The following SGCD variants were observed in gnomAD, a reference collection of about 807,000 sequenced individuals.
SGCD encodes delta-sarcoglycan.
Under a neutral mutation model 36.6 loss-of-function variants are expected in SGCD, and 18 were observed. That is an observed-to-expected ratio of 0.49 (90% CI 0.34 to 0.73). The LOEUF is 0.73. Ranked by LOEUF, SGCD falls within the 30% of genes least tolerant of loss-of-function variation. SGCD has a pLI of 0.01. For synonymous variants in SGCD, 133 were observed against 130.6 expected, an observed-to-expected ratio of 1.02 and a Z score of -0.12; for missense variants, 387 against 346.7, an observed-to-expected ratio of 1.12 and a Z score of -0.92.
rs150929203 is a variant in SGCD, at chr5:156,698,840, TACACACACACAC to T, written c.575+51334_575+51345del. On this transcript the variant is annotated intron_variant, in intron 7 of 8. Transcript: ENST00000337851. Reference sequence around the variant, plus strand: ...TTATATTTTGAAAACTAAATTAAAATACACACACACACACACACACACACACACACACACACA... The same window carrying T: ...TTATATTTTGAAAACTAAATTAAAATACACACACACACACACACACACACA... Among the ~76,000 whole-genome samples, 534 of 140,088 alleles carry T rather than the reference TACACACACACAC, an allele frequency of 3.8e-3. 1 individual carries two copies. The highest frequency in any genetic ancestry group is 5.0e-3 in the Non-Finnish European group (323 of 64,116). 91.9% of individuals were successfully genotyped at this position (140,088 alleles called of 152,430 possible). A position where few individuals can be genotyped will look rare whatever the true frequency, so the allele number is the denominator to read the frequency against.
rs563849207 is a variant in SGCD at position 155,936,292 on chromosome 5, A to T, written c.-282+65868A>T. Among the ~76,000 whole-genome samples, 11 of 152,254 alleles carry T rather than the reference A, an allele frequency of 7.2e-5. No homozygotes were observed. The East Asian group carries it at 1.9e-3, about 27-fold the overall frequency. ...CACCCAGGAAGAATGAGGTATGTGG[A>T]CAAGTGGAGGGTGAGCAAGGCGGAG... On this transcript the variant is annotated intron_variant, in intron 1 of 9. Coordinates refer to the SGCD transcript ENST00000517913.
intron 7 of SGCD, among the ~76,000 whole-genome samples, chr5:156,678,196 A>G (rs771049591): frequency 2.0e-5 from 3 of 152,226 alleles, no homozygotes; most frequent in Non-Finnish European, 4.4e-5. Context: ...TTCTAACAGC[A>G]CAGATCCTGT....
chr5:156,648,898 G>C (rs1561836898), intron 7 of SGCD, among the ~76,000 whole-genome samples: 1 of 152,120 alleles, frequency 6.6e-6, no homozygotes, highest in South Asian at 2.1e-4. Context: ...GAGGTCTTTT[G>C]AGACAAGCTA....
intron 1 of SGCD, among the ~76,000 whole-genome samples, chr5:156,075,825 G>A (rs1165691849): frequency 6.6e-6 from 1 of 152,164 alleles, no homozygotes; most frequent in Non-Finnish European, 1.5e-5. Flanking sequence ...ACATTGAAGA[G>A]TCCATTGGAT....
intron 4 of SGCD, among the ~76,000 whole-genome samples, chr5:156,584,033 C>A (rs1431934078): frequency 6.6e-6 from 1 of 152,038 alleles, no homozygotes; most frequent in Non-Finnish European, 1.5e-5. Flanking sequence ...TGTGAAATCC[C>A]AAGACGCAAT....
chr5:156,049,433 C>G (rs4434366), intron 1 of SGCD, among the ~76,000 whole-genome samples: 10,754 of 145,178 alleles, frequency 0.074, 1,726 homozygotes, highest in African/African-American at 0.24. Context: ...CCATTTTCAC[C>G]ATATTGATTC....
At chr5:156,185,404 C>T (rs1261812199) in intron 3 of SGCD, among the ~76,000 whole-genome samples, 14 of 151,680 alleles carry the variant, frequency 9.2e-5, no homozygotes, top group East Asian at 3.9e-4. Context: ...TTAGCAGAGA[C>T]GGGGTTTCAC....
chr5:155,774,159 G>T, the SGCD span, among the ~76,000 whole-genome samples: 2 of 152,216 alleles, frequency 1.3e-5, no homozygotes, highest in Non-Finnish European at 2.9e-5. Flanking sequence ...ATTTTAACTT[G>T]GCTCAAAATC....
intron 4 of SGCD, among the ~76,000 whole-genome samples, chr5:156,518,672 A>G (rs1174652769): frequency 2.0e-5 from 3 of 152,202 alleles, no homozygotes; most frequent in Non-Finnish European, 4.4e-5. Flanking sequence ...CCATAGCTCA[A>G]TTACATTAGA....
chr5:156,582,046 C>A (rs117214378), intron 4 of SGCD, among the ~76,000 whole-genome samples: 1 of 152,046 alleles, frequency 6.6e-6, no homozygotes, highest in Non-Finnish European at 1.5e-5. Flanking sequence ...CCTATTCAGC[C>A]GTCTTGGAAT....
intron 3 of SGCD, among the ~76,000 whole-genome samples, chr5:156,354,174 C>T (rs1232191588): frequency 2.0e-5 from 3 of 152,042 alleles, no homozygotes; most frequent in Non-Finnish European, 4.4e-5. Context: ...ATGAAAGTTG[C>T]GGAAAGAATA....
At chr5:156,408,367 T>G (rs888846155) in intron 3 of SGCD, among the ~76,000 whole-genome samples, 4 of 151,936 alleles carry the variant, frequency 2.6e-5, no homozygotes, top group African/African-American at 9.7e-5. Flanking sequence ...GATTTTTTTT[T>G]TTTTTTTTGA....
chr5:156,359,405 C>T (rs1769660049), intron 3 of SGCD, among the ~76,000 whole-genome samples: 1 of 152,184 alleles, frequency 6.6e-6, no homozygotes, highest in Non-Finnish European at 1.5e-5. Context: ...GAGCACTTAA[C>T]ATAGAACATA....
intron 7 of SGCD, among the ~76,000 whole-genome samples, chr5:156,674,655 A>T (rs1005043080): frequency 6.6e-6 from 1 of 152,202 alleles, no homozygotes. Context: ...CTGCTCTCAT[A>T]TGAAGATTCT....
At chr5:156,121,400 T>G (rs983378855) in intron 2 of SGCD, among the ~76,000 whole-genome samples, 1 of 152,132 alleles carries the variant, frequency 6.6e-6, no homozygotes, top group East Asian at 1.9e-4. Flanking sequence ...CTTAGAGAAG[T>G]TGATTATCTT....
chr5:155,967,978 A>G (rs1453138084), intron 1 of SGCD, among the ~76,000 whole-genome samples: 1 of 152,046 alleles, frequency 6.6e-6, no homozygotes, highest in African/African-American at 2.4e-5. Flanking sequence ...TTTCCCTTTC[A>G]AGAAGAAATG....
At chr5:155,976,813 G>T (rs1329915900) in intron 1 of SGCD, among the ~76,000 whole-genome samples, 2 of 152,010 alleles carry the variant, frequency 1.3e-5, no homozygotes, top group African/African-American at 4.8e-5. Context: ...CATCAATGAT[G>T]AAATCCTCCT....
chr5:156,197,163 C>T (rs879812943), intron 3 of SGCD, among the ~76,000 whole-genome samples: 8 of 152,054 alleles, frequency 5.3e-5, no homozygotes, highest in Admixed American at 2.6e-4. Context: ...TAATGATTCC[C>T]TTAGAAAATT....
At position 156,241,295 on chromosome 5, in the gene SGCD, T is replaced by C. The variant is rs191471117; in HGVS notation, c.-43-88239T>C. Among the ~76,000 whole-genome samples the C allele has an allele frequency of 4.3e-4, 65 of 150,916 alleles. 1 individual carries two copies. Among genetic ancestry groups the C allele is most frequent in the African/African-American group, 1.5e-3 (63 of 41,012 alleles). On this transcript the variant is annotated intron_variant, in intron 3 of 9. Coordinates refer to the SGCD transcript ENST00000517913. ...GTGTGTGTGTGTGTGTGTGCATGTATGTGCATAATCTTTAGTTAGAACCAG... is the reference window on the plus strand; with the variant it reads ...GTGTGTGTGTGTGTGTGTGCATGTACGTGCATAATCTTTAGTTAGAACCAG...
Sources: gnomAD v4.1 joint callset for allele counts (sites outside exome capture counted in the v4.1 genomes callset) on GRCh38, gnomAD v4.1.1 for gene constraint, MANE v1.5 for transcripts, NCBI Gene and HGNC (gene_info 2026-07-23, HGNC 2026-07-21) for gene names.